MSH4: variants seen among roughly 807,000 people sequenced by gnomAD.
The protein encoded by MSH4 is mutS homolog 4.
MSH4 carries 106 observed loss-of-function variants against 113.7 expected under a neutral mutation model. The observed-to-expected ratio is 0.93, with a 90% CI of 0.80 to 1.10. The LOEUF (loss-of-function observed/expected upper bound fraction) is 1.10. MSH4 is among the 50% of genes least tolerant of loss of function. The probability of loss-of-function intolerance (pLI) is 0.00; values close to 1 mark genes in which losing one functional copy is unlikely to be tolerated. For missense variants in MSH4, 1,061 were observed against 1,093.7 expected (o/e 0.97, Z 0.42); for synonymous variants, 368 against 380.2 (o/e 0.97, Z 0.37).
chr1:75,907,660 A>ATCCCTCTC (rs1652688857), intron 19 of MSH4, among the ~76,000 whole-genome samples: 1 of 92,808 alleles, frequency 1.1e-5, no homozygotes, highest in Non-Finnish European at 2.0e-5. Flanking sequence ...TCCACGGTGT[A>ATCCCTCTC]TCTCTCTCTC....
rs201340508 is a variant in MSH4, at chr1:75,898,052, C to G, written c.2501C>G (p.Ser834Cys). The change falls in exon 18 of 20, where the codon TCT becomes TGT. Residue 834 changes from serine (S) to cysteine (C), a missense_variant. Ser to Cys is a moderately radical substitution (Grantham distance 112). Transcript: ENST00000263187. ...KEAILYTYKL[S>C]KGLTEEKNYG... ...GCAATTTTGTATACCTACAAACTTT[C>G]TAAGGGACTCACAGAAGAGAAAAAT... 7 of 1,590,948 alleles carry G rather than the reference C, an allele frequency of 4.4e-6. No individual in the cohort carries two copies. Among genetic ancestry groups the G allele is most frequent in the African/African-American group, 1.3e-5 (1 of 74,148 alleles).
chr1:75,886,793 C>T (rs1652132419), intron 15 of MSH4, among the ~76,000 whole-genome samples: 1 of 128,156 alleles, frequency 7.8e-6, no homozygotes, highest in African/African-American at 2.9e-5. Flanking sequence ...CTTATATATA[C>T]TAAACAGTAT....
intron 2 of MSH4, among the ~76,000 whole-genome samples, chr1:75,806,334 G>A (rs1650059750): frequency 8.1e-6 from 1 of 124,002 alleles, no homozygotes; most frequent in Non-Finnish European, 1.6e-5. Context: ...TGCAAGCTCC[G>A]CCTCCCGGGT....
At chr1:75,911,307 T>C (rs940384433) in intron 19 of MSH4, among the ~76,000 whole-genome samples, 1 of 152,188 alleles carries the variant, frequency 6.6e-6, no homozygotes, top group Non-Finnish European at 1.5e-5. Flanking sequence ...CATTACTACA[T>C]TGAATTACTT....
intron 13 of MSH4, 46 bp downstream of exon 13, chr1:75,880,199 T>A (rs2307078): frequency 0.34 from 355,977 of 1,037,878 alleles, 65,740 homozygotes; most frequent in East Asian, 0.65. Context: ...ATTGGTTTAA[T>A]TTGAGAAACT....
intron 8 of MSH4, among the ~76,000 whole-genome samples, chr1:75,857,508 C>G (rs551005952): frequency 6.6e-6 from 1 of 152,290 alleles, no homozygotes; most frequent in South Asian, 2.1e-4. Flanking sequence ...CTGCATATGG[C>G]TAACCAGTTT....
At chr1:75,891,263 A>G (rs1228528876) in intron 17 of MSH4, among the ~76,000 whole-genome samples, 3 of 152,168 alleles carry the variant, frequency 2.0e-5, no homozygotes, top group African/African-American at 2.4e-5. Context: ...CAAATCAACT[A>G]TGTAAAACAT....
intron 15 of MSH4, among the ~76,000 whole-genome samples, chr1:75,885,470 C>T (rs1367079295): frequency 1.3e-4 from 12 of 89,090 alleles, no homozygotes; most frequent in Non-Finnish European, 2.3e-5. Flanking sequence ...TGTATATATA[C>T]ACACACACAC....
Position 75,883,701 on chromosome 1 carries a change from A to G in MSH4, c.1987A>G (p.Ile663Val), listed in dbSNP as rs1651984902. ...ILEKISAEKP[I>V]ANNTYVTEGS... ...TGAAAAAATATCTGCGGAAAAACCT[A>G]TTGCCAACAATACCTATGTTACAGA... Residue 663 changes from isoleucine (I) to valine (V), a missense_variant, in exon 15 of 20, where the codon ATT becomes GTT. Coordinates refer to ENST00000263187, the MANE Select transcript of MSH4 (RefSeq NM_002440.4). The G allele has an allele frequency of 3.1e-6, 5 of 1,613,298 alleles. No individual in the cohort carries two copies. The highest frequency in any genetic ancestry group is 2.2e-5 in the South Asian group (2 of 91,064).
At chr1:75,814,673 T>C (rs1650259596) in intron 4 of MSH4, among the ~76,000 whole-genome samples, 1 of 152,108 alleles carries the variant, frequency 6.6e-6, no homozygotes, top group African/African-American at 2.4e-5. Context: ...AAGGCATAGA[T>C]TTTAGTACAA....
intron 11 of MSH4, among the ~76,000 whole-genome samples, chr1:75,878,681 CATG>C (rs1651865695): frequency 2.0e-5 from 3 of 151,788 alleles, no homozygotes; most frequent in African/African-American, 7.3e-5. Flanking sequence ...ATTTGCCAGG[CATG>C]GTGATGTATG....
At chr1:75,852,610 T>G (rs769899741) in intron 8 of MSH4, among the ~76,000 whole-genome samples, 1 of 152,226 alleles carries the variant, frequency 6.6e-6, no homozygotes, top group Non-Finnish European at 1.5e-5. Flanking sequence ...TACATTTCCA[T>G]GATGACTGAC....
At chr1:75,905,143 T>C (rs935651658) in intron 19 of MSH4, among the ~76,000 whole-genome samples, 1 of 124,332 alleles carries the variant, frequency 8.0e-6, no homozygotes, top group Non-Finnish European at 1.7e-5. Flanking sequence ...CGTTAGGTTG[T>C]TGTTGTTTTT....
intron 17 of MSH4, among the ~76,000 whole-genome samples, chr1:75,893,499 G>T (rs1396473841): frequency 6.6e-6 from 1 of 152,154 alleles, no homozygotes; most frequent in Non-Finnish European, 1.5e-5. Context: ...AGTTGTCTTT[G>T]CCAGTAGAAG....
intron 17 of MSH4, among the ~76,000 whole-genome samples, chr1:75,895,244 A>G (rs1652346015): frequency 6.6e-6 from 1 of 152,148 alleles, no homozygotes; most frequent in African/African-American, 2.4e-5. Flanking sequence ...AAATTGGACT[A>G]CTACTCCACA....
At position 75,912,823 on chromosome 1, in the gene MSH4, T is replaced by G. The variant is rs1652819382; in HGVS notation, c.2747T>G (p.Leu916Arg). ...AGTTTACGAATATATTTAAGTAACC[T>G]CAAGAAGAAGTACAAAGAAGATTTT... ...PDSLRIYLSN[L>R]KKKYKEDFPR... The change falls in exon 20 of 20, where the codon CTC becomes CGC. Residue 916 changes from leucine to arginine, a missense_variant. By Grantham distance (102) the Leu-to-Arg change is moderately radical (BLOSUM62 -2). Coordinates refer to ENST00000263187, the MANE Select transcript of MSH4 (RefSeq NM_002440.4). 1 of 1,585,086 alleles carries G rather than the reference T, an allele frequency of 6.3e-7. No individual in the cohort carries two copies. Among genetic ancestry groups the G allele is most frequent in the Non-Finnish European group, 8.6e-7 (1 of 1,166,928 alleles).
rs114093703 is a variant in MSH4 at position 75,898,071 on chromosome 1, G to C, written c.2520G>C (p.Glu840Asp). 16,944 of 1,575,142 alleles carry C rather than the reference G, an allele frequency of 0.011. 241 individuals are homozygous for C. The highest frequency in any genetic ancestry group is 0.045 in the South Asian group (3,760 of 82,708). Residue 840 changes from glutamate (E) to aspartate (D), a missense_variant, in exon 18 of 20, where the codon GAG becomes GAC. Physicochemically the swap from Glu to Asp is conservative, Grantham distance 45. Transcript: ENST00000263187. Reference sequence around the variant, plus strand: ...AACTTTCTAAGGGACTCACAGAAGAGAAAAATTATGGTACTGCATATAGAA... The same window carrying C: ...AACTTTCTAAGGGACTCACAGAAGACAAAAATTATGGTACTGCATATAGAA... ...TYKLSKGLTE[E>D]KNYGLKAAEV...
At chr1:75,874,053 G>A (rs991424747) in intron 9 of MSH4, among the ~76,000 whole-genome samples, 3 of 152,118 alleles carry the variant, frequency 2.0e-5, no homozygotes, top group East Asian at 1.9e-4. Flanking sequence ...GTGTATAAAT[G>A]TTCTTCTTTC....
Position 75,822,365 on chromosome 1 carries a change from C to T in MSH4, c.990-44C>T, listed in dbSNP as rs182071197. 3.9e-5 allele frequency: 48 copies of T among 1,227,686 alleles called. No individual in the cohort carries two copies. In the East Asian group the frequency reaches 1.1e-3, roughly 29 times the overall value. 76.0% of individuals were successfully genotyped at this position (1,227,686 alleles called of 1,614,324 possible). On this transcript the variant is annotated intron_variant, in intron 6 of 19. Coordinates refer to ENST00000263187, the MANE Select transcript of MSH4 (RefSeq NM_002440.4). ...TACAAAGTGAAATGAAATTTTCTTG[C>T]GTTTTTCTTTGTATTCTTACTGACA...
Sources: gnomAD v4.1 joint callset for allele counts (sites outside exome capture counted in the v4.1 genomes callset) on GRCh38, gnomAD v4.1.1 for gene constraint, MANE v1.5 for transcripts, NCBI Gene and HGNC (gene_info 2026-07-23, HGNC 2026-07-21) for gene names.